Variants in DPP10 observed in about 807,000 individuals in gnomAD.
The protein encoded by DPP10 is inactive dipeptidyl peptidase 10.
Under a neutral mutation model 120.9 loss-of-function variants are expected in DPP10, and 33 were observed. The observed-to-expected ratio is 0.27, with a 90% CI of 0.21 to 0.37. The LOEUF is 0.37. Among genes scored for constraint, DPP10 ranks in the 10% least tolerant of loss-of-function variants. DPP10 has a pLI of 1.00. For missense variants in DPP10, 816 were observed against 942.8 expected, an observed-to-expected ratio of 0.87 and a Z score of 1.76; for synonymous variants, 337 against 326.1, an observed-to-expected ratio of 1.03 and a Z score of -0.36.
At chr2:114,818,805 C>T (rs1685848655) in intron 1 of DPP10, among the ~76,000 whole-genome samples, 1 of 152,124 alleles carries the variant, frequency 6.6e-6, no homozygotes, top group African/African-American at 2.4e-5. Context: ...TATCCATGAA[C>T]CTTTTCTACC....
chr2:115,355,993 G>A (rs1213062331), intron 3 of DPP10, among the ~76,000 whole-genome samples: 2 of 152,262 alleles, frequency 1.3e-5, no homozygotes, highest in East Asian at 3.9e-4. Flanking sequence ...GTAGTGTGAT[G>A]CCTCCAGCTT....
At chr2:114,497,425 A>ATATATATGCATATATATAGATGCATC (rs533618213) in intron 1 of DPP10, among the ~76,000 whole-genome samples, 4,905 of 65,756 alleles carry the variant, frequency 0.075, 630 homozygotes, top group African/African-American at 0.26. Flanking sequence ...ATATGCATCT[A>ATATATATGCATATATATAGATGCATC]TATATATATG....
intron 1 of DPP10, among the ~76,000 whole-genome samples, chr2:114,477,800 C>T (rs1195933849): frequency 6.7e-6 from 1 of 150,082 alleles, no homozygotes; most frequent in African/African-American, 2.5e-5. Flanking sequence ...TGTATATGCA[C>T]ATATACATAC....
At chr2:115,715,483 A>G (rs62155331) in intron 7 of DPP10, among the ~76,000 whole-genome samples, 1 of 151,920 alleles carries the variant, frequency 6.6e-6, no homozygotes, top group Non-Finnish European at 1.5e-5. Context: ...GTTTCATGAC[A>G]TTCCCTCAGA....
intron 1 of DPP10, among the ~76,000 whole-genome samples, chr2:115,275,607 A>T (rs1266675066): frequency 6.6e-6 from 1 of 151,996 alleles, no homozygotes; most frequent in Non-Finnish European, 1.5e-5. Context: ...TTTGGATATT[A>T]TATAAAAATT....
chr2:115,281,921 C>T (rs1165185451), intron 1 of DPP10, among the ~76,000 whole-genome samples: 1 of 151,914 alleles, frequency 6.6e-6, no homozygotes, highest in Non-Finnish European at 1.5e-5. Flanking sequence ...CAAGAATAAT[C>T]TTTAGTTTTA....
At chr2:115,067,189 A>G (rs552248622) in intron 1 of DPP10, among the ~76,000 whole-genome samples, 1 of 152,234 alleles carries the variant, frequency 6.6e-6, no homozygotes, top group African/African-American at 2.4e-5. Flanking sequence ...TTCCTTTAAC[A>G]TAATGTTTTC....
intron 5 of DPP10, among the ~76,000 whole-genome samples, chr2:115,545,079 AAAAT>A (rs1230618237): frequency 6.6e-6 from 1 of 152,080 alleles, no homozygotes; most frequent in African/African-American, 2.4e-5. Context: ...AAGTGACAAA[AAAAT>A]CTAGGCAGCG....
At chr2:115,452,326 G>T (rs372771148) in intron 3 of DPP10, among the ~76,000 whole-genome samples, 5 of 151,958 alleles carry the variant, frequency 3.3e-5, no homozygotes, top group African/African-American at 1.2e-4. Context: ...GCTGTAGCAT[G>T]CCCCCATATC....
At chr2:115,485,419 G>GTATTTTCATATAT (rs2075714624) in intron 3 of DPP10, among the ~76,000 whole-genome samples, 1 of 151,992 alleles carries the variant, frequency 6.6e-6, no homozygotes, top group African/African-American at 2.4e-5. Context: ...TTCTTTGTAA[G>GTATTTTCATATAT]TATTTTCATA....
At chr2:115,122,510 A>AT (rs1192447169) in intron 1 of DPP10, among the ~76,000 whole-genome samples, 1 of 152,208 alleles carries the variant, frequency 6.6e-6, no homozygotes, top group African/African-American at 2.4e-5. Flanking sequence ...TGTTCAGAGC[A>AT]TTCTAGAAGT....
chr2:114,602,926 T>A (rs1248501032), intron 1 of DPP10, among the ~76,000 whole-genome samples: 4 of 152,076 alleles, frequency 2.6e-5, no homozygotes, highest in African/African-American at 9.7e-5. Context: ...TGGAGTTGAT[T>A]CAGGTCGAAC....
At chr2:115,052,964 A>G (rs1429896008) in intron 1 of DPP10, among the ~76,000 whole-genome samples, 1 of 151,708 alleles carries the variant, frequency 6.6e-6, no homozygotes, top group East Asian at 1.9e-4. Flanking sequence ...AAAAAAAAAA[A>G]AAAAGGAAAA....
intron 1 of DPP10, among the ~76,000 whole-genome samples, chr2:115,238,372 A>C (rs980866266): frequency 6.6e-6 from 1 of 152,224 alleles, no homozygotes; most frequent in African/African-American, 2.4e-5. Flanking sequence ...GCTCATTAAC[A>C]ATGCACCTGG....
At chr2:114,845,932 G>A (rs77159247) in intron 1 of DPP10, among the ~76,000 whole-genome samples, 2 of 152,078 alleles carry the variant, frequency 1.3e-5, no homozygotes, top group East Asian at 1.9e-4. Context: ...AGGAGCTTGG[G>A]GAGTTATGTG....
intron 1 of DPP10, among the ~76,000 whole-genome samples, chr2:115,287,916 C>G (rs1332907559): frequency 6.6e-6 from 1 of 152,064 alleles, no homozygotes; most frequent in East Asian, 1.9e-4. Flanking sequence ...ATCCACTTAT[C>G]TATTGATAGG....
chr2:114,468,982 G>C (rs1433129881), intron 1 of DPP10, among the ~76,000 whole-genome samples: 1 of 152,160 alleles, frequency 6.6e-6, no homozygotes, highest in Non-Finnish European at 1.5e-5. Context: ...AAATGAAAAT[G>C]GGCTTCCTAA....
intron 9 of DPP10, among the ~76,000 whole-genome samples, chr2:115,742,740 T>C (rs1677445076): frequency 6.6e-6 from 1 of 152,136 alleles, no homozygotes; most frequent in African/African-American, 2.4e-5. Context: ...TTCACTCTTA[T>C]GTGATAAACT....
intron 1 of DPP10, among the ~76,000 whole-genome samples, chr2:114,809,519 A>C (rs1255385568): frequency 2.1e-4 from 32 of 152,198 alleles, no homozygotes; most frequent in Admixed American, 2.1e-3. Context: ...TTTGTTTTGC[A>C]GTAAGTGGAG....
Sources: gnomAD v4.1 joint callset for allele counts (sites outside exome capture counted in the v4.1 genomes callset) on GRCh38, gnomAD v4.1.1 for gene constraint, MANE v1.5 for transcripts, NCBI Gene and HGNC (gene_info 2026-07-23, HGNC 2026-07-21) for gene names.